KHDRBS2: variants seen among roughly 807,000 people sequenced by gnomAD.
KHDRBS2 encodes the protein KH domain-containing, RNA-binding, signal transduction-associated protein 2.
Under a neutral mutation model 44.3 loss-of-function variants are expected in KHDRBS2, and 26 were observed. The observed-to-expected ratio is 0.59, with a 90% CI of 0.43 to 0.81. The LOEUF is 0.81. KHDRBS2 is among the 40% of genes least tolerant of loss of function. KHDRBS2 has a pLI of 0.00. For synonymous variants in KHDRBS2, 194 were observed against 151.1 expected, an observed-to-expected ratio of 1.28 and a Z score of -2.08; for missense variants, 476 against 433.1, an observed-to-expected ratio of 1.10 and a Z score of -0.88.
chr6:62,216,054 A>G (rs1829926274), intron 1 of KHDRBS2, among the ~76,000 whole-genome samples: 2 of 151,886 alleles, frequency 1.3e-5, no homozygotes, highest in East Asian at 3.9e-4. Context: ...CTTTATAAAG[A>G]TGTTCATGCA....
intron 7 of KHDRBS2, among the ~76,000 whole-genome samples, chr6:61,719,030 C>A (rs1419228908): frequency 6.6e-6 from 1 of 152,164 alleles, no homozygotes; most frequent in African/African-American, 2.4e-5. Flanking sequence ...TAATCTACAT[C>A]TGTATCTATA....
At chr6:61,721,732 C>A (rs1772595548) in intron 7 of KHDRBS2, among the ~76,000 whole-genome samples, 2 of 112,684 alleles carry the variant, frequency 1.8e-5, no homozygotes, top group Non-Finnish European at 4.0e-5. Flanking sequence ...CAAACAGGGA[C>A]AATTTGACTT....
chr6:61,723,607 A>G (rs1044265667), intron 7 of KHDRBS2, among the ~76,000 whole-genome samples: 4 of 152,280 alleles, frequency 2.6e-5, no homozygotes, highest in South Asian at 4.1e-4. Context: ...TGATAGGCAG[A>G]ATAGCCAGTT....
At chr6:62,154,765 C>G (rs934809799) in intron 2 of KHDRBS2, among the ~76,000 whole-genome samples, 1 of 152,156 alleles carries the variant, frequency 6.6e-6, no homozygotes, top group African/African-American at 2.4e-5. Context: ...AATACTACCA[C>G]GTAGCTTTAT....
intron 4 of KHDRBS2, among the ~76,000 whole-genome samples, chr6:61,975,388 C>T (rs1772371372): frequency 6.6e-6 from 1 of 152,076 alleles, no homozygotes; most frequent in Non-Finnish European, 1.5e-5. Flanking sequence ...TGTATAGAAA[C>T]TTTAGCATTT....
At chr6:61,659,743 A>G in the KHDRBS2 span, among the ~76,000 whole-genome samples, 1 of 151,780 alleles carries the variant, frequency 6.6e-6, no homozygotes, top group Non-Finnish European at 1.5e-5. Context: ...AAAAAAAAAC[A>G]AAGCTAATTC....
At chr6:61,863,798 C>A (rs1220057841) in intron 6 of KHDRBS2, among the ~76,000 whole-genome samples, 1 of 152,094 alleles carries the variant, frequency 6.6e-6, no homozygotes, top group Non-Finnish European at 1.5e-5. Flanking sequence ...TCTATCAGAT[C>A]CACTTGCTCC....
intron 6 of KHDRBS2, among the ~76,000 whole-genome samples, chr6:61,875,664 C>G (rs1487767371): frequency 6.6e-6 from 1 of 152,056 alleles, no homozygotes; most frequent in African/African-American, 2.4e-5. Context: ...TGTGTCATGA[C>G]TACAACACAT....
chr6:62,224,472 C>A (rs974412365), intron 1 of KHDRBS2, among the ~76,000 whole-genome samples: 4 of 152,130 alleles, frequency 2.6e-5, no homozygotes, highest in African/African-American at 9.7e-5. Context: ...ACTCTTTCAT[C>A]TGGTATTAAG....
intron 2 of KHDRBS2, among the ~76,000 whole-genome samples, chr6:62,172,625 T>C (rs1050134382): frequency 7.0e-6 from 1 of 143,196 alleles, no homozygotes; most frequent in Non-Finnish European, 1.5e-5. Flanking sequence ...AATTTCAAAA[T>C]ATATATTTCT....
In KHDRBS2 at chr6:62,056,097, C is replaced by A. The variant is rs534588649; in HGVS notation, c.220-8103G>T. 2.1e-3 allele frequency among the ~76,000 whole-genome samples: 320 copies of A among 152,088 alleles called. 1 individual carries two copies. Among genetic ancestry groups the A allele is most frequent in the African/African-American group, 7.2e-3 (300 of 41,546 alleles). On this transcript the variant is annotated intron_variant, in intron 2 of 8. Coordinates refer to ENST00000281156, the MANE Select transcript of KHDRBS2 (RefSeq NM_152688.4). The stretch of plus-strand genomic sequence containing the variant: ...TTTCCTGAAGACCTTTCCTTCATCT[C>A]TTCCCACAGTTATATTAGCCTTGAA...
chr6:62,180,501 T>C (rs560389149), intron 1 of KHDRBS2, among the ~76,000 whole-genome samples: 3 of 151,886 alleles, frequency 2.0e-5, no homozygotes, highest in Non-Finnish European at 4.4e-5. Context: ...GGTTAACGAC[T>C]TGTACGCTGA....
intron 6 of KHDRBS2, among the ~76,000 whole-genome samples, chr6:61,814,609 A>T (rs1788621454): frequency 6.6e-6 from 1 of 152,142 alleles, no homozygotes; most frequent in African/African-American, 2.4e-5. Context: ...CATCTCAAAA[A>T]ACAAAAACAA....
intron 2 of KHDRBS2, among the ~76,000 whole-genome samples, chr6:62,071,778 G>T: frequency 6.6e-6 from 1 of 152,182 alleles, no homozygotes; most frequent in Admixed American, 6.5e-5. Context: ...GTAGCGTGAT[G>T]CCTCCAGCTT....
chr6:62,126,963 C>T (rs752447303), intron 2 of KHDRBS2, among the ~76,000 whole-genome samples: 1 of 152,068 alleles, frequency 6.6e-6, no homozygotes, highest in Non-Finnish European at 1.5e-5. Flanking sequence ...CTATCTTTTC[C>T]GTGTATCAAA....
the KHDRBS2 span, among the ~76,000 whole-genome samples, chr6:61,552,631 C>A: frequency 6.6e-6 from 1 of 152,024 alleles, no homozygotes; most frequent in Non-Finnish European, 1.5e-5. Flanking sequence ...GTTGGCTGTG[C>A]ATTTGTTATA....
At chr6:61,962,736 T>C (rs530741358) in intron 4 of KHDRBS2, among the ~76,000 whole-genome samples, 75 of 152,216 alleles carry the variant, frequency 4.9e-4, no homozygotes, top group Non-Finnish European at 9.1e-4. Context: ...ACAAAAATTA[T>C]ATAGTCATGA....
chr6:62,071,143 G>C (rs1794969243), intron 2 of KHDRBS2, among the ~76,000 whole-genome samples: 1 of 152,112 alleles, frequency 6.6e-6, no homozygotes, highest in Non-Finnish European at 1.5e-5. Flanking sequence ...GTCTTCTTTT[G>C]AGAAGTTTCT....
chr6:61,965,051 C>T (rs760058963), intron 4 of KHDRBS2, among the ~76,000 whole-genome samples: 18 of 151,958 alleles, frequency 1.2e-4, no homozygotes, highest in South Asian at 2.1e-4. Context: ...TGAATGTAAA[C>T]GAAGTTCTGT....
Sources: allele counts gnomAD v4.1 joint callset (sites outside exome capture counted in the v4.1 genomes callset), GRCh38; gene constraint gnomAD v4.1.1; transcripts MANE v1.5; gene names NCBI Gene and HGNC (gene_info 2026-07-23, HGNC 2026-07-21).